CREM: variants seen among roughly 807,000 people sequenced by gnomAD.
The protein encoded by CREM is cAMP-responsive element modulator.
A neutral mutation model predicts 37.3 loss-of-function variants in CREM; 13 were observed. The ratio of observed to expected loss-of-function variants is 0.35; its 90% CI spans 0.23 to 0.55. CREM has a LOEUF of 0.55. Ranked by LOEUF, CREM falls within the 20% of genes least tolerant of loss-of-function variation. The pLI, the probability that CREM is intolerant of heterozygous loss-of-function variation, is 0.88. For synonymous variants in CREM, 124 were observed against 120.2 expected (o/e 1.03, Z -0.21); for missense variants, 296 against 362.3 (o/e 0.82, Z 1.49).
intron 6 of CREM, among the ~76,000 whole-genome samples, chr10:35,190,984 G>A (rs1330918746): frequency 6.6e-6 from 1 of 152,118 alleles, no homozygotes; most frequent in Admixed American, 6.5e-5. Flanking sequence ...AATTTAGGGA[G>A]AGCTGAAGTC....
At chr10:35,195,801 GT>G in intron 6 of CREM, 1 of 501,646 alleles carries the variant, frequency 2.0e-6, no homozygotes, top group East Asian at 3.4e-5. Context: ...TCCTGGAATC[GT>G]ATTTCAGCAG....
chr10:35,132,248 G>A (rs1418185588), intron 1 of CREM, among the ~76,000 whole-genome samples: 1 of 152,002 alleles, frequency 6.6e-6, no homozygotes, highest in African/African-American at 2.4e-5. Context: ...ATGAAGTGGT[G>A]GTGGCGGGGG....
At chr10:35,145,877 G>T (rs1020211814) in intron 2 of CREM, among the ~76,000 whole-genome samples, 1 of 151,832 alleles carries the variant, frequency 6.6e-6, no homozygotes, top group East Asian at 1.9e-4. Context: ...GTACATATTG[G>T]AATTGTTTGC....
intron 6 of CREM, chr10:35,195,013 A>G (rs561999988): frequency 2.0e-6 from 1 of 497,610 alleles, no homozygotes; most frequent in African/African-American, 2.0e-5. Flanking sequence ...GAGTTTTTAT[A>G]GGGCTTGGGT....
intron 2 of CREM, among the ~76,000 whole-genome samples, chr10:35,138,203 G>A (rs995890983): frequency 1.3e-5 from 2 of 152,152 alleles, no homozygotes; most frequent in African/African-American, 4.8e-5. Context: ...TCTTCCTCCC[G>A]GCCTTTCGGC....
At chr10:35,159,273 A>G (rs890292745) in intron 3 of CREM, among the ~76,000 whole-genome samples, 19 of 152,118 alleles carry the variant, frequency 1.2e-4, no homozygotes, top group Admixed American at 1.0e-3. Flanking sequence ...TTTGTCATGC[A>G]GGAAAAAAAA....
chr10:35,149,930 A>ACACACG lies in CREM; in HGVS notation c.168+1444_168+1445insGCACAC, dbSNP rs1554890950. 1.9e-4 allele frequency among the ~76,000 whole-genome samples: 28 copies of ACACACG among 149,278 alleles called. 1 individual carries two copies. The highest frequency in any genetic ancestry group is 5.9e-4 in the African/African-American group (24 of 40,524). ...CACACACACACACACACACACACAC[A>ACACACG]CACACACACCCTTGTTAAAAAAAAT... On this transcript the variant is annotated intron_variant, in intron 3 of 7. Transcript: ENST00000685392.
At chr10:35,128,666 C>T (rs1393190813) in intron 1 of CREM, among the ~76,000 whole-genome samples, 1 of 151,906 alleles carries the variant, frequency 6.6e-6, no homozygotes. Flanking sequence ...GCTGGGACTA[C>T]AGGCGCCCGC....
At chr10:35,196,468 C>G in intron 6 of CREM, 1 of 206,940 alleles carries the variant, frequency 4.8e-6, no homozygotes. Context: ...TAAACAACTT[C>G]ACTACAATTT....
intron 5 of CREM, among the ~76,000 whole-genome samples, chr10:35,187,185 A>AT (rs2094670553): frequency 1.5e-5 from 1 of 64,990 alleles, no homozygotes; most frequent in African/African-American, 6.2e-5. Context: ...ATTAATATAT[A>AT]AATATATTAA....
intron 6 of CREM, among the ~76,000 whole-genome samples, chr10:35,200,922 A>G (rs1292836653): frequency 6.6e-6 from 1 of 152,162 alleles, no homozygotes; most frequent in Non-Finnish European, 1.5e-5. Flanking sequence ...AAATCGTTTC[A>G]CTTTGGAAGT....
At chr10:35,209,787 A>G (rs2095623815) in intron 7 of CREM, among the ~76,000 whole-genome samples, 1 of 152,202 alleles carries the variant, frequency 6.6e-6, no homozygotes, top group Non-Finnish European at 1.5e-5. Flanking sequence ...AAATTGGCAA[A>G]TGTGTGTGTT....
At chr10:35,169,532 A>T (rs1398423688) in intron 3 of CREM, among the ~76,000 whole-genome samples, 1 of 152,222 alleles carries the variant, frequency 6.6e-6, no homozygotes, top group African/African-American at 2.4e-5. Context: ...CAATCATGTC[A>T]TCTGCAAACA....
chr10:35,169,974 T>C (rs1157208314), intron 3 of CREM, among the ~76,000 whole-genome samples: 2 of 151,362 alleles, frequency 1.3e-5, no homozygotes, highest in African/African-American at 2.4e-5. Flanking sequence ...GCTTTTTTTT[T>C]TTTTTTGAGA....
Position 35,127,026 on chromosome 10 carries a change from G to C in CREM, c.-222G>C, listed in dbSNP as rs2087894284. 6.5e-6 allele frequency: 1 copy of C among 152,704 alleles called. No individual in the cohort carries two copies. The highest frequency in any genetic ancestry group is 1.5e-5 in the Non-Finnish European group (1 of 68,220). The allele number at this position is 152,704 out of a possible 1,614,324, so 9.5% of individuals were successfully genotyped here. On this transcript the variant is annotated 5_prime_UTR_variant, in exon 1 of 8. Transcript: ENST00000685392. ...ACTTTTGGTCCGGGGTCGGCAGGGAGGCCGCGGCTACCGCATCACAGCTGA... is the reference window on the plus strand; with the variant it reads ...ACTTTTGGTCCGGGGTCGGCAGGGACGCCGCGGCTACCGCATCACAGCTGA...
At chr10:35,196,765 T>C (rs566792092) in intron 6 of CREM, among the ~76,000 whole-genome samples, 1 of 152,218 alleles carries the variant, frequency 6.6e-6, no homozygotes, top group Non-Finnish European at 1.5e-5. Context: ...TTGGTTAATA[T>C]CTTTCTTTAC....
At chr10:35,153,650 C>T (rs146093577) in intron 3 of CREM, among the ~76,000 whole-genome samples, 3 of 152,302 alleles carry the variant, frequency 2.0e-5, no homozygotes, top group Admixed American at 2.0e-4. Context: ...AAGTATAATT[C>T]TCCATAGCTG....
intron 5 of CREM, among the ~76,000 whole-genome samples, chr10:35,187,152 TA>T (rs1388133132): frequency 0.025 from 2,199 of 87,320 alleles, 40 homozygotes; most frequent in Non-Finnish European, 0.037. Context: ...ATATAATATA[TA>T]TAATATATAT....
At chr10:35,202,724 A>G (rs1407673623) in intron 6 of CREM, among the ~76,000 whole-genome samples, 3 of 152,238 alleles carry the variant, frequency 2.0e-5, no homozygotes, top group Non-Finnish European at 2.9e-5. Context: ...TCTGGCTTGA[A>G]CTAATGCGCT....
Sources: allele counts gnomAD v4.1 joint callset (sites outside exome capture counted in the v4.1 genomes callset), GRCh38; gene constraint gnomAD v4.1.1; transcripts MANE v1.5; gene names NCBI Gene and HGNC (gene_info 2026-07-23, HGNC 2026-07-21).